The following UBR4 variants were observed in gnomAD, a reference collection of about 807,000 sequenced individuals.
UBR4 encodes the protein ubiquitin protein ligase E3 component n-recognin 4, also known as E3 ubiquitin-protein ligase UBR4.
UBR4 carries 124 observed loss-of-function variants against 575.6 expected under a neutral mutation model. The ratio of observed to expected loss-of-function variants is 0.22; its 90% confidence interval spans 0.19 to 0.25. UBR4 has a LOEUF of 0.25. Among genes scored for constraint, UBR4 ranks in the 10% least tolerant of loss-of-function variants. UBR4 has a pLI of 1.00. For missense variants in UBR4, 4,818 were observed against 6,478.8 expected, an observed-to-expected ratio of 0.74 and a Z score of 8.80; for synonymous variants, 2,455 against 2,473.7, an observed-to-expected ratio of 0.99 and a Z score of 0.22.
chr1:19,090,837 G>A (rs1009338427), intron 97 of UBR4, among the ~76,000 whole-genome samples: 2 of 152,214 alleles, frequency 1.3e-5, no homozygotes, highest in African/African-American at 4.8e-5. Flanking sequence ...GCTCACGTCT[G>A]TAATCCCAGC....
chr1:19,104,826 G>A (rs1477897917), intron 85 of UBR4, 160 bp from the exon 86 acceptor site: 14 of 1,062,090 alleles, frequency 1.3e-5, no homozygotes, highest in Middle Eastern at 2.1e-4. Context: ...CAGTCACAGC[G>A]CTGGTAAGGG....
chr1:19,187,050 T>C, intron 13 of UBR4, 114 bp downstream of exon 13: 1 of 819,852 alleles, frequency 1.2e-6, no homozygotes, highest in Non-Finnish European at 1.5e-6. Flanking sequence ...TGGTGTGTAG[T>C]CAGTCTTATT....
At chr1:19,121,072 G>C (rs1557667488) in intron 68 of UBR4, 117 bp downstream of exon 68, 4 of 1,418,394 alleles carry the variant, frequency 2.8e-6, no homozygotes, top group Non-Finnish European at 3.8e-6. Context: ...GAACATTTGG[G>C]CTTTAAGTCC....
intron 2 of UBR4, among the ~76,000 whole-genome samples, chr1:19,200,258 T>C (rs2092680891): frequency 6.7e-6 from 1 of 148,526 alleles, no homozygotes; most frequent in African/African-American, 2.5e-5. Context: ...TAACAATAGC[T>C]GATGAGCTTT....
intron 1 of UBR4, among the ~76,000 whole-genome samples, chr1:19,204,313 TTTC>T (rs1339047108): frequency 1.3e-5 from 2 of 152,140 alleles, no homozygotes; most frequent in African/African-American, 4.8e-5. Context: ...ACCCTTATAC[TTTC>T]TTATTTGTTT....
chr1:19,095,592 T>C lies in UBR4; in HGVS notation c.13579A>G (p.Lys4527Glu). The C allele has an allele frequency of 1.9e-6, 3 of 1,614,116 alleles. No homozygotes were observed. Among genetic ancestry groups the C allele is most frequent in the Non-Finnish European group, 2.5e-6 (3 of 1,180,008 alleles). ...ACGTTCAAGGTGTTCATTTCCAGTT[T>C]GACCAGTTGCTGCCGGTTGACTTTC... is the stretch of plus-strand genomic sequence containing the variant. ...KVKVNRQQLV[K>E]LEMNTLNVML... is the part of the protein sequence containing the mutation. Residue 4527 changes from lysine to glutamate, a missense_variant, in exon 93 of 106, where the codon AAA becomes GAA. Physicochemically the swap from Lys to Glu is moderately conservative, Grantham distance 56. Around this residue, in one of 29 missense-constraint regions of UBR4, gnomAD observed 165 missense variants for 282.3 expected, o/e 0.58. Coordinates refer to ENST00000375254, the MANE Select transcript of UBR4 (RefSeq NM_020765.3).
At chr1:19,195,720 G>A (rs1270555374) in intron 8 of UBR4, among the ~76,000 whole-genome samples, 2 of 152,068 alleles carry the variant, frequency 1.3e-5, no homozygotes, top group African/African-American at 4.8e-5. Context: ...CTGCCTGAAT[G>A]ACTGCCAATT....
At chr1:19,077,780 T>C (rs1570087277) in intron 104 of UBR4, 196 bp downstream of exon 104, 2 of 1,514,830 alleles carry the variant, frequency 1.3e-6, no homozygotes, top group African/African-American at 1.4e-5. Context: ...ACAAAACAAA[T>C]GTACCTCACA....
intron 39 of UBR4, among the ~76,000 whole-genome samples, 175 bp from the exon 40 acceptor site, chr1:19,158,172 TAAG>T (rs771379328): frequency 2.6e-5 from 4 of 152,198 alleles, no homozygotes; most frequent in Non-Finnish European, 5.9e-5. Flanking sequence ...ATCAATCCAT[TAAG>T]AATAACATAG....
rs185823053 is a variant in UBR4, at chr1:19,194,564, G to A, written c.1019-1007C>T. 5.6e-3 allele frequency among the ~76,000 whole-genome samples: 847 copies of A among 152,254 alleles called. 4 individuals carry two copies. Among genetic ancestry groups the A allele is most frequent in the Non-Finnish European group, 8.9e-3 (608 of 68,014 alleles). ...CGCCTGTAATCTTAGCACTTTGGGA[G>A]GCCCAGGTGGGTGGATCACCTGAGG... On this transcript the variant is annotated intron_variant, in intron 8 of 105. Coordinates refer to ENST00000375254, the MANE Select transcript of UBR4 (RefSeq NM_020765.3).
chr1:19,162,646 C>T, intron 34 of UBR4, 35 bp from the exon 35 acceptor site: 1 of 1,577,094 alleles, frequency 6.3e-7, no homozygotes, highest in Non-Finnish European at 8.6e-7. Context: ...TTCAGATTCT[C>T]CATGTTTCAT....
intron 32 of UBR4, 23 bp downstream of exon 32, chr1:19,164,776 C>A: frequency 4.3e-6 from 7 of 1,609,450 alleles, no homozygotes; most frequent in Non-Finnish European, 6.0e-6. Context: ...TAGGGAAACA[C>A]GACAGAAATG....
chr1:19,188,221 T>C (rs1419437716), intron 11 of UBR4, among the ~76,000 whole-genome samples: 1 of 152,090 alleles, frequency 6.6e-6, no homozygotes, highest in African/African-American at 2.4e-5. Context: ...AGGTTTGAAT[T>C]ACCAACTTCT....
chr1:19,184,269 T>C (rs1257776779), intron 15 of UBR4, 94 bp from the exon 16 acceptor site: 5 of 1,331,238 alleles, frequency 3.8e-6, no homozygotes, highest in African/African-American at 3.0e-5. Context: ...AATATGCTCA[T>C]AGGTATCCTG....
At chr1:19,076,943 C>G (rs2076002495) in intron 104 of UBR4, 41 bp from the exon 105 acceptor site, 12 of 1,518,772 alleles carry the variant, frequency 7.9e-6, no homozygotes, top group Non-Finnish European at 9.7e-6. Flanking sequence ...GGGTGACTTA[C>G]TGCTGCCTCA....
At chr1:19,190,312 A>AAAATATATATATATATATAT in intron 11 of UBR4, among the ~76,000 whole-genome samples, 1 of 79,920 alleles carries the variant, frequency 1.3e-5, no homozygotes, top group African/African-American at 5.3e-5. Flanking sequence ...AAAAAAAAAA[A>AAAATATATATATATATATAT]ATATATATAT....
At position 19,117,716 on chromosome 1, in the gene UBR4, C is replaced by G; in HGVS notation, c.10629+107G>C. 1.7e-6 allele frequency: 2 copies of G among 1,162,142 alleles called. No individual in the cohort carries two copies. The highest frequency in any genetic ancestry group is 2.0e-4 in the Middle Eastern group (1 of 5,086). The allele number at this position is 1,162,142 out of a possible 1,614,324, so 72.0% of individuals were successfully genotyped here. On this transcript the variant is annotated intron_variant, in intron 72 of 105. Coordinates refer to ENST00000375254, the MANE Select transcript of UBR4 (RefSeq NM_020765.3). This position sits in a 1 kb window ranked among gnomAD's most constrained non-coding sequence, Gnocchi z 4.0. ...AGATAAAAATTCCTACTATCGGTGACCAACCATTAGGAGAGGAACATCTAT... is the reference window on the plus strand; with the variant it reads ...AGATAAAAATTCCTACTATCGGTGAGCAACCATTAGGAGAGGAACATCTAT...
At position 19,197,653 on chromosome 1, in the gene UBR4, ACT is replaced by A; in HGVS notation, c.893+15_893+16del. The A allele has an allele frequency of 6.2e-7, 1 of 1,613,272 alleles. No individual in the cohort carries two copies. Among genetic ancestry groups the A allele is most frequent in the East Asian group, 2.2e-5 (1 of 44,872 alleles). ...AAAACAAAAAAAGTAAAGCATGTGC[ACT>A]GTGAAGCACCTTACCCATTACGAAC... On this transcript the variant is annotated intron_variant, in intron 7 of 105. Transcript: ENST00000375254.
At chr1:19,131,549 A>G (rs1294290918) in intron 60 of UBR4, among the ~76,000 whole-genome samples, 1 of 152,186 alleles carries the variant, frequency 6.6e-6, no homozygotes, top group Non-Finnish European at 1.5e-5. Context: ...CCATTTTAGA[A>G]GCAGTGATGA....
Sources: gnomAD v4.1 joint callset for allele counts (sites outside exome capture counted in the v4.1 genomes callset) on GRCh38, gnomAD v4.1.1 for gene constraint, gnomAD v4.1.1 regional missense constraint, Gnocchi (gnomAD v3.1) non-coding constraint, MANE v1.5 for transcripts, NCBI Gene and HGNC (gene_info 2026-07-23, HGNC 2026-07-21) for gene names.